Variants in MORN3 observed in about 807,000 individuals in gnomAD.
MORN3 encodes the protein MORN repeat containing 3.
In MORN3, 38 loss-of-function variants were observed where a neutral mutation model predicts 34.7. That is an observed-to-expected ratio of 1.10 (90% CI 0.85 to 1.44). The LOEUF (loss-of-function observed/expected upper bound fraction) is 1.44, where lower values mean the gene tolerates loss of function less well. MORN3 is among the 40% of genes most tolerant of loss of function. The pLI is 0.00. For missense variants in MORN3, 311 were observed against 321.7 expected (o/e 0.97, Z 0.25); for synonymous variants, 109 against 115.3 (o/e 0.95, Z 0.35).
intron 1 of MORN3, among the ~76,000 whole-genome samples, chr12:121,666,024 T>A (rs1489555815): frequency 1.3e-5 from 2 of 151,806 alleles, no homozygotes; most frequent in African/African-American, 2.4e-5. Flanking sequence ...CCAAAACTTA[T>A]CAAGTAGGAA....
chr12:121,648,910 C>CTTGTT lies in MORN3; in HGVS notation c.*2740_*2741insAACAA, dbSNP rs782456839. On this transcript the variant is annotated 3_prime_UTR_variant, in exon 6 of 6. Transcript: ENST00000355329. ...TGTTTAAATCTAGCGACATTTTGTA[C>CTTGTT]ATAAACAAGCACACCCTCTTCCAAC... The CTTGTT allele has an allele frequency of 9.9e-5, 15 of 151,542 alleles. No individual in the cohort carries two copies. The highest frequency in any genetic ancestry group is 3.4e-4 in the African/African-American group (14 of 41,292). The allele number at this position is 151,542 out of a possible 1,614,324, so 9.4% of individuals were successfully genotyped here.
chr12:121,659,167 A>ACC (rs781428401), intron 2 of MORN3, 24 bp downstream of exon 2: 111 of 1,553,890 alleles, frequency 7.1e-5, no homozygotes, highest in Non-Finnish European at 8.8e-5. Flanking sequence ...ACACACACAC[A>ACC]CCCCGGCTGG....
rs1893205588 is a variant in MORN3, at chr12:121,649,728, A to AGATGG, written c.*1918_*1922dup. 2.7e-5 allele frequency: 3 copies of AGATGG among 110,840 alleles called. No individual in the cohort carries two copies. Among genetic ancestry groups the AGATGG allele is most frequent in the African/African-American group, 1.1e-4 (3 of 26,162 alleles). The allele number at this position is 110,840 out of a possible 1,614,324, so 6.9% of individuals were successfully genotyped here. A position where few individuals can be genotyped will look rare whatever the true frequency, so the allele number is the denominator to read the frequency against. On this transcript the variant is annotated 3_prime_UTR_variant, in exon 6 of 6. Transcript: ENST00000355329. The stretch of plus-strand genomic sequence containing the variant: ...ACATTTTTTTTTTTTTTTTTTTTGG[A>AGATGG]GATGGTGTCTCGCTCTGTCGCCCAG...
chr12:121,671,644 G>A (rs1893972126), upstream of MORN3, among the ~76,000 whole-genome samples: 1 of 151,952 alleles, frequency 6.6e-6, no homozygotes, highest in Non-Finnish European at 1.5e-5. Flanking sequence ...CACTTTGGGA[G>A]GCCGAGGTGG....
At chr12:121,660,530 T>C (rs934261463) in intron 1 of MORN3, among the ~76,000 whole-genome samples, 4 of 151,448 alleles carry the variant, frequency 2.6e-5, no homozygotes, top group Non-Finnish European at 5.9e-5. Flanking sequence ...TTTGTATTTT[T>C]AGTAGAGACG....
chr12:121,654,227 C>CG (rs1893337112), intron 3 of MORN3, 47 bp downstream of exon 3: 6 of 1,092,668 alleles, frequency 5.5e-6, no homozygotes, highest in Admixed American at 6.3e-5. Context: ...AGCTCGCTGC[C>CG]GGGGGCGTGG....
chr12:121,660,944 C>T (rs754955018), intron 1 of MORN3, among the ~76,000 whole-genome samples: 1 of 152,008 alleles, frequency 6.6e-6, no homozygotes, highest in African/African-American at 2.4e-5. Context: ...GCTAGGATTA[C>T]AGGCGTGAGC....
chr12:121,653,242 CGTA>C lies in MORN3; in HGVS notation c.478_480del (p.Tyr160del). On this transcript the variant is annotated inframe_deletion, in exon 4 of 6. Transcript: ENST00000355329. ...TTCATGCCTCTCTCCCAGCAGCCCT[CGTA>C]GCGGTTCCCGTTCTCTGGGGGAAAG... 6.2e-7 allele frequency: 1 copy of C among 1,614,006 alleles called. No homozygotes were observed. The highest frequency in any genetic ancestry group is 8.5e-7 in the Non-Finnish European group (1 of 1,179,980).
chr12:121,649,895 T>C lies in MORN3; in HGVS notation c.*1756A>G, dbSNP rs1893212279. The C allele has an allele frequency of 6.7e-6, 1 of 149,246 alleles. No homozygotes were observed. The highest frequency in any genetic ancestry group is 2.1e-4 in the South Asian group (1 of 4,696). The allele number at this position is 149,246 out of a possible 1,614,324, so 9.2% of individuals were successfully genotyped here. On this transcript the variant is annotated 3_prime_UTR_variant, in exon 6 of 6. Coordinates refer to ENST00000355329, the MANE Select transcript of MORN3 (RefSeq NM_173855.5). ...TTTTTTTTTTTGTAGCATGGTGATA[T>C]TGCACTATGCTTAACCGCATCCCTG...
At chr12:121,658,177 GAC>G (rs1893464835) in intron 2 of MORN3, among the ~76,000 whole-genome samples, 1 of 152,146 alleles carries the variant, frequency 6.6e-6, no homozygotes, top group Non-Finnish European at 1.5e-5. Context: ...GCAGTTACAA[GAC>G]ACCTCATCTC....
At chr12:121,670,980 G>A (rs1234305916), upstream of MORN3, among the ~76,000 whole-genome samples, 7 of 139,868 alleles carry the variant, frequency 5.0e-5, no homozygotes, top group African/African-American at 1.1e-4. Flanking sequence ...GTGTGGTGGC[G>A]GGCGCCTGTA....
Position 121,663,220 on chromosome 12 carries a change from CAG to C in MORN3, c.146-3874_146-3873del, listed in dbSNP as rs1188887450. Among the ~76,000 whole-genome samples, 18 of 139,584 alleles carry C rather than the reference CAG, an allele frequency of 1.3e-4. No individual in the cohort carries two copies. The South Asian group carries it at 3.2e-3, about 25-fold the overall frequency. 91.6% of individuals were successfully genotyped at this position (139,584 alleles called of 152,430 possible). A position where few individuals can be genotyped will look rare whatever the true frequency, so the allele number is the denominator to read the frequency against. Reference sequence around the variant, plus strand: ...TAGACTTTTTTTTTTTTTTTTGAGACAGAGTTTCATTCTTGTTGCTCAGGCTG... The same window carrying C: ...TAGACTTTTTTTTTTTTTTTTGAGACAGTTTCATTCTTGTTGCTCAGGCTG... On this transcript the variant is annotated intron_variant, in intron 1 of 5. Coordinates refer to ENST00000355329, the MANE Select transcript of MORN3 (RefSeq NM_173855.5).
At chr12:121,654,239 CG>C in intron 3 of MORN3, 34 bp downstream of exon 3, 2 of 987,552 alleles carry the variant, frequency 2.0e-6, no homozygotes, top group Admixed American at 3.2e-5. Context: ...GGGGCGTGGT[CG>C]GGTGGGCGGG....
chr12:121,664,559 G>A (rs978543000), intron 1 of MORN3, among the ~76,000 whole-genome samples: 1 of 152,202 alleles, frequency 6.6e-6, no homozygotes, highest in Non-Finnish European at 1.5e-5. Context: ...GGGAGTTCGA[G>A]ACCAGCCTGG....
At position 121,654,293 on chromosome 12, in the gene MORN3, C is replaced by T; in HGVS notation, c.444G>A (p.Gly148=). The T allele has an allele frequency of 6.3e-7, 1 of 1,589,934 alleles. No homozygotes were observed. The change falls in exon 3 of 6, where the codon GGG becomes GGA. Residue 148 remains glycine, a synonymous_variant. Coordinates refer to ENST00000355329, the MANE Select transcript of MORN3 (RefSeq NM_173855.5). ...EGQWENDKPN[G]EGMLRLKNGN... ...ACTCACTCAGGCGCAGCATGCCCTC[C>T]CCGTTGGGCTTGTCGTTCTCCCACT...
At chr12:121,657,025 G>C (rs1311174447) in intron 2 of MORN3, among the ~76,000 whole-genome samples, 1 of 152,150 alleles carries the variant, frequency 6.6e-6, no homozygotes, top group Non-Finnish European at 1.5e-5. Context: ...GACTGAAACT[G>C]CCTTTGCAAA....
At position 121,666,952 on chromosome 12, in the gene MORN3, CTTTTTTTTT is replaced by C. The variant is rs376062157; in HGVS notation, c.145+2378_145+2386del. ...ACCCTTCTTCTTTAACCCACAACCTCTTTTTTTTTTTTTTTTTTTTTTGAGATGGAGATT... is the reference window on the plus strand; with the variant it reads ...ACCCTTCTTCTTTAACCCACAACCTCTTTTTTTTTTTTTGAGATGGAGATT... On this transcript the variant is annotated intron_variant, in intron 1 of 5. Transcript: ENST00000355329. Among the ~76,000 whole-genome samples, 22 of 108,172 alleles carry C rather than the reference CTTTTTTTTT, an allele frequency of 2.0e-4. No individual in the cohort carries two copies. In the South Asian group the frequency reaches 4.8e-3, roughly 23 times the overall value. 71.0% of individuals were successfully genotyped at this position (108,172 alleles called of 152,430 possible).
upstream of MORN3, among the ~76,000 whole-genome samples, chr12:121,670,352 C>G (rs1004747570): frequency 1.4e-4 from 22 of 152,092 alleles, no homozygotes; most frequent in African/African-American, 4.8e-4. Context: ...TTCCAAATAT[C>G]ACATGTACTA....
At chr12:121,672,352 C>A (rs117529607), upstream of MORN3, among the ~76,000 whole-genome samples, 1,468 of 151,978 alleles carry the variant, frequency 9.7e-3, 25 homozygotes, top group East Asian at 0.083. Flanking sequence ...CCCAGCTGCG[C>A]GGGAGGCTGA....
Sources: gnomAD v4.1 joint callset for allele counts (sites outside exome capture counted in the v4.1 genomes callset) on GRCh38, gnomAD v4.1.1 for gene constraint, MANE v1.5 for transcripts, NCBI Gene and HGNC (gene_info 2026-07-23, HGNC 2026-07-21) for gene names.